Variants in FHL2 observed in about 807,000 individuals in gnomAD.
The protein encoded by FHL2 is four and a half LIM domains protein 2.
In FHL2, 20 loss-of-function variants were observed where a neutral mutation model predicts 32.7. The observed-to-expected ratio is 0.61, with a 90% CI of 0.43 to 0.89. The LOEUF (loss-of-function observed/expected upper bound fraction) is 0.89. Among genes scored for constraint, FHL2 ranks in the 40% least tolerant of loss-of-function variants. FHL2 has a pLI of 0.00. For synonymous variants in FHL2, 123 were observed against 128.1 expected (o/e 0.96, Z 0.27); for missense variants, 311 against 358.6 (o/e 0.87, Z 1.07).
chr2:105,434,695 TTAA>T (rs1003599753), intron 1 of FHL2, among the ~76,000 whole-genome samples: 34 of 152,290 alleles, frequency 2.2e-4, no homozygotes, highest in African/African-American at 7.9e-4. Context: ...AATAACAAAA[TTAA>T]TAATAATGTT....
At chr2:105,392,449 A>G (rs1682797162) in intron 2 of FHL2, among the ~76,000 whole-genome samples, 3 of 152,098 alleles carry the variant, frequency 2.0e-5, no homozygotes, top group African/African-American at 4.8e-5. Context: ...TCCAGCCTCA[A>G]GGAAACAGCC....
At chr2:105,397,612 T>C (rs934156687) in intron 1 of FHL2, among the ~76,000 whole-genome samples, 2 of 152,216 alleles carry the variant, frequency 1.3e-5, no homozygotes, top group African/African-American at 2.4e-5. Flanking sequence ...TTCTGGTCTG[T>C]AGTAAGCCCA....
In FHL2 at chr2:105,412,546, A is replaced by T. The variant is rs1683823973; in HGVS notation, c.-25+25853T>A. ...AGCTGATGGTATGAACATAGGGGTC[A>T]TTAGCCAAATGGTAGGTAAAAACCA... On this transcript the variant is annotated intron_variant, in intron 1 of 5. Transcript: ENST00000393352. Among the ~76,000 whole-genome samples, 3 of 152,248 alleles carry T rather than the reference A, an allele frequency of 2.0e-5. 1 individual carries two copies. The highest frequency in any genetic ancestry group is 2.0e-4 in the Admixed American group (3 of 15,282).
At chr2:105,363,179 G>C (rs2104485389) in intron 6 of FHL2, 106 bp downstream of exon 6, 1 of 1,052,954 alleles carries the variant, frequency 9.5e-7, no homozygotes, top group Admixed American at 2.2e-5. Context: ...CAGAGCCTTA[G>C]GGAGGTCTGG....
chr2:105,386,756 CTTTTTTTTTTTTTTTTTTTTTTTT>C (rs11380471), intron 2 of FHL2, among the ~76,000 whole-genome samples: 7 of 48,926 alleles, frequency 1.4e-4, no homozygotes, highest in Admixed American at 2.7e-4. Flanking sequence ...ATGCATTCCA[CTTTTTTTTTTTTTTTTTTTTTTTT>C]TGGAGACAGA....
At chr2:105,414,144 A>G (rs534655833) in intron 1 of FHL2, among the ~76,000 whole-genome samples, 22 of 152,234 alleles carry the variant, frequency 1.4e-4, no homozygotes, top group African/African-American at 4.8e-4. Context: ...AATATTTACC[A>G]TGTATTATGA....
intron 5 of FHL2, among the ~76,000 whole-genome samples, chr2:105,366,141 C>T (rs909921005): frequency 6.6e-6 from 1 of 151,494 alleles, no homozygotes; most frequent in South Asian, 2.1e-4. Context: ...ACCCAAGAGG[C>T]GGAGGTTGCA....
intron 2 of FHL2, among the ~76,000 whole-genome samples, chr2:105,388,076 G>A (rs1206993095): frequency 6.6e-6 from 1 of 152,116 alleles, no homozygotes; most frequent in African/African-American, 2.4e-5. Flanking sequence ...AACACAAAGA[G>A]GTAAACAACA....
chr2:105,423,550 G>A (rs1258970819), intron 1 of FHL2, among the ~76,000 whole-genome samples: 1 of 152,182 alleles, frequency 6.6e-6, no homozygotes, highest in Non-Finnish European at 1.5e-5. Context: ...TCTGTAGCAG[G>A]AAGAATGTTT....
At chr2:105,361,473 T>G in intron 6 of FHL2, 39 bp from the exon 7 acceptor site, 2 of 1,585,246 alleles carry the variant, frequency 1.3e-6, no homozygotes, top group Non-Finnish European at 1.7e-6. Flanking sequence ...TGAAGAAAGT[T>G]AGAATCAGGC....
intron 1 of FHL2, 132 bp downstream of exon 1, chr2:105,398,710 A>AC (rs1683317570): frequency 1.5e-6 from 1 of 681,502 alleles, no homozygotes. Flanking sequence ...CCCACCCCCA[A>AC]CCCCCAGGGT....
chr2:105,408,609 G>C (rs919280368), intron 1 of FHL2, among the ~76,000 whole-genome samples: 1 of 152,230 alleles, frequency 6.6e-6, no homozygotes, highest in African/African-American at 2.4e-5. Context: ...TGGATGCAGA[G>C]AAAGGACAGC....
At chr2:105,370,779 C>T (rs537109257) in intron 4 of FHL2, among the ~76,000 whole-genome samples, 13 of 152,162 alleles carry the variant, frequency 8.5e-5, no homozygotes, top group Non-Finnish European at 1.8e-4. Context: ...TTCTTCTAGA[C>T]GCCCTGCCTT....
intron 3 of FHL2, among the ~76,000 whole-genome samples, chr2:105,383,242 A>G (rs774230093): frequency 6.6e-6 from 1 of 152,234 alleles, no homozygotes; most frequent in Non-Finnish European, 1.5e-5. Context: ...CAGATCCCCC[A>G]AAAACTCTGT....
At chr2:105,432,335 C>A (rs888013545) in intron 1 of FHL2, among the ~76,000 whole-genome samples, 40 of 152,266 alleles carry the variant, frequency 2.6e-4, no homozygotes, top group African/African-American at 9.4e-4. Flanking sequence ...GTCTTACACT[C>A]GCTATTATTT....
intron 1 of FHL2, among the ~76,000 whole-genome samples, chr2:105,436,730 TAAAC>T (rs886968539): frequency 1.1e-4 from 16 of 152,186 alleles, no homozygotes; most frequent in Non-Finnish European, 1.9e-4. Context: ...ATAATTAAGA[TAAAC>T]AATTAACTGC....
At chr2:105,398,739 G>C in intron 1 of FHL2, 103 bp downstream of exon 1, 1 of 991,602 alleles carries the variant, frequency 1.0e-6, no homozygotes, top group Non-Finnish European at 1.4e-6. Flanking sequence ...CCTCTCCCGG[G>C]TCTACCCCAC....
At chr2:105,377,024 A>C (rs956088695) in intron 3 of FHL2, among the ~76,000 whole-genome samples, 2 of 152,168 alleles carry the variant, frequency 1.3e-5, no homozygotes, top group African/African-American at 4.8e-5. Flanking sequence ...ATGAGAGGGG[A>C]ATGGGAGTGA....
intron 3 of FHL2, among the ~76,000 whole-genome samples, chr2:105,377,406 G>T (rs533208719): frequency 1.3e-5 from 2 of 152,120 alleles, no homozygotes; most frequent in African/African-American, 4.8e-5. Context: ...CGAGGCAGGC[G>T]GATCACCTGA....
Sources: allele counts gnomAD v4.1 joint callset (sites outside exome capture counted in the v4.1 genomes callset), GRCh38; gene constraint gnomAD v4.1.1; transcripts MANE v1.5; gene names NCBI Gene and HGNC (gene_info 2026-07-23, HGNC 2026-07-21).